The following RAB9A variants were observed in gnomAD, a reference collection of about 807,000 sequenced individuals.
RAB9A encodes RAB9A, member RAS oncogene family.
Under a neutral mutation model 10.3 loss-of-function variants are expected in RAB9A, and 1 was observed. The ratio of observed to expected loss-of-function variants is 0.10; its 90% CI spans 0.03 to 0.46. The LOEUF (loss-of-function observed/expected upper bound fraction) is 0.46, where lower values mean the gene tolerates loss of function less well. RAB9A is among the 20% of genes least tolerant of loss of function. The pLI is 0.96. For synonymous variants in RAB9A, 39 were observed against 55.2 expected (o/e 0.71, Z 1.30); for missense variants, 92 against 150.3 (o/e 0.61, Z 2.03).
chrX:13,709,272 G>A lies in RAB9A; in HGVS notation c.526G>A (p.Glu176Lys). 8.3e-7 allele frequency: 1 copy of A among 1,211,543 alleles called. No homozygotes were observed. Among genetic ancestry groups the A allele is most frequent in the Non-Finnish European group, 1.1e-6 (1 of 895,363 alleles). ...AGCGGTTCGAAGAGTTCTTGCTACC[G>A]AGGATAGGTCAGATCATTTGATTCA... ...EEAVRRVLATEDRSDHLIQTD... is the reference protein window; with the variant it reads ...EEAVRRVLATKDRSDHLIQTD... Residue 176 changes from glutamate to lysine, a missense_variant, in exon 3 of 3, where the codon GAG becomes AAG. By Grantham distance (56) the Glu-to-Lys change is moderately conservative (BLOSUM62 1). Coordinates refer to ENST00000464506, the MANE Select transcript of RAB9A (RefSeq NM_004251.5).
intron 1 of RAB9A, among the ~76,000 whole-genome samples, chrX:13,691,796 T>A (rs888477802): frequency 2.7e-5 from 3 of 110,596 alleles, no homozygotes; most frequent in Non-Finnish European, 3.8e-5. Context: ...AAAGTTTAGT[T>A]TCTGCATTAT....
At chrX:13,708,338 C>A (rs867083954) in intron 2 of RAB9A, among the ~76,000 whole-genome samples, 2 of 92,677 alleles carry the variant, frequency 2.2e-5, no homozygotes, top group South Asian at 5.3e-4. Context: ...AAAACAAAAC[C>A]AAAACAACAA....
At chrX:13,695,228 C>T (rs950651659) in intron 1 of RAB9A, among the ~76,000 whole-genome samples, 1 of 112,233 alleles carries the variant, frequency 8.9e-6, no homozygotes, top group Admixed American at 9.4e-5. Context: ...CTGTCACTCC[C>T]GGACCATTTG....
rs928786684 is a variant in RAB9A, at chrX:13,709,963, T to C, written c.*611T>C. 1.6e-5 allele frequency: 2 copies of C among 123,605 alleles called. No homozygotes were observed. Among genetic ancestry groups the C allele is most frequent in the Non-Finnish European group, 1.9e-5 (1 of 53,397 alleles). 10.2% of individuals were successfully genotyped at this position (123,605 alleles called of 1,213,427 possible). ...CATGCACCCCCACCCCCATAAATCA[T>C]GTTCCACAGTCTCAGGCGGAGGGTG... On this transcript the variant is annotated 3_prime_UTR_variant, in exon 3 of 3. Coordinates refer to ENST00000464506, the MANE Select transcript of RAB9A (RefSeq NM_004251.5).
chrX:13,694,148 C>T lies in RAB9A; in HGVS notation c.-116+4860C>T, dbSNP rs1414434393. 3.6e-5 allele frequency among the ~76,000 whole-genome samples: 4 copies of T among 110,836 alleles called. No individual in the cohort carries two copies. The East Asian group carries it at 1.1e-3, about 31-fold the overall frequency. ...AAAAGGTTAGTGCCCATAAGACTGT[C>T]TATGTTCTCAGAGTTAGAAAAACCT... On this transcript the variant is annotated intron_variant, in intron 1 of 2. Coordinates refer to ENST00000464506, the MANE Select transcript of RAB9A (RefSeq NM_004251.5).
chrX:13,695,492 T>C (rs776161734), intron 1 of RAB9A, among the ~76,000 whole-genome samples: 3 of 112,243 alleles, frequency 2.7e-5, no homozygotes, highest in East Asian at 2.8e-4. Context: ...CTAGTAGATA[T>C]TCAGTTAATA....
intron 2 of RAB9A, among the ~76,000 whole-genome samples, chrX:13,707,381 A>G (rs1475201331): frequency 1.8e-5 from 2 of 112,307 alleles, no homozygotes; most frequent in African/African-American, 3.2e-5. Context: ...AAGATTTGCC[A>G]TAAGTTGATA....
Position 13,701,179 on chromosome X carries a change from A to G in RAB9A, c.-115-2635A>G, listed in dbSNP as rs190943589. Among the ~76,000 whole-genome samples the G allele has an allele frequency of 7.2e-3, 777 of 108,183 alleles. 1 individual carries two copies. Among genetic ancestry groups the G allele is most frequent in the Non-Finnish European group, 0.012 (608 of 52,118 alleles). 93.9% of individuals were successfully genotyped at this position (108,183 alleles called of 115,157 possible). A position where few individuals can be genotyped will look rare whatever the true frequency, so the allele number is the denominator to read the frequency against. On this transcript the variant is annotated intron_variant, in intron 1 of 2. Transcript: ENST00000464506. Reference sequence around the variant, plus strand: ...CCAGAATATTTTTATTACCCCCCCAAAAAAACCCCATACCCATTAGCAGTC... The same window carrying G: ...CCAGAATATTTTTATTACCCCCCCAGAAAAACCCCATACCCATTAGCAGTC...
rs185491819 is a variant in RAB9A at position 13,701,707 on chromosome X, C to T, written c.-115-2107C>T. 2.4e-3 allele frequency among the ~76,000 whole-genome samples: 266 copies of T among 110,840 alleles called. 2 individuals carry two copies. The highest frequency in any genetic ancestry group is 9.0e-3 in the East Asian group (32 of 3,538). On this transcript the variant is annotated intron_variant, in intron 1 of 2. Transcript: ENST00000464506. ...CAGTTGGAGATGTCCAGTAGGTGTT[C>T]GGGAGGAGGTGAGGTCTAGCTGCAT... is the stretch of plus-strand genomic sequence containing the variant.
chrX:13,701,476 A>G (rs1245169209), intron 1 of RAB9A, among the ~76,000 whole-genome samples: 1 of 111,483 alleles, frequency 9.0e-6, no homozygotes, highest in Non-Finnish European at 1.9e-5. Context: ...TAGTATGGGT[A>G]TGCATTTTTT....
chrX:13,691,659 CAAAAAAAAAAAAAAAA>C (rs765886332), intron 1 of RAB9A, among the ~76,000 whole-genome samples: 8 of 15,933 alleles, frequency 5.0e-4, no homozygotes, highest in African/African-American at 1.4e-3. Context: ...GACTCCATCT[CAAAAAAAAAAAAAAAA>C]AAAAAAAAAA....
chrX:13,691,470 G>A (rs1232938196), intron 1 of RAB9A, among the ~76,000 whole-genome samples: 3 of 110,092 alleles, frequency 2.7e-5, no homozygotes, highest in Non-Finnish European at 5.7e-5. Flanking sequence ...AACCAGCCTG[G>A]CCAACATGGT....
At chrX:13,704,206 C>T (rs767965506) in intron 2 of RAB9A, among the ~76,000 whole-genome samples, 2 of 111,144 alleles carry the variant, frequency 1.8e-5, no homozygotes, top group Non-Finnish European at 3.8e-5. Flanking sequence ...TCTGAGCCAC[C>T]GAAAATTTGG....
intron 1 of RAB9A, among the ~76,000 whole-genome samples, chrX:13,691,721 T>C (rs985470110): frequency 9.2e-6 from 1 of 109,080 alleles, no homozygotes; most frequent in Non-Finnish European, 1.9e-5. Context: ...AATCTGTTTT[T>C]TGTTGTAAGG....
Position 13,709,070 on chromosome X carries a change from T to C in RAB9A, c.324T>C (p.Tyr108=). ...ACTGGAAGAAAGAATTCATATATTATGCAGATGTGAAAGAGCCTGAGAGCT... is the reference window on the plus strand; with the variant it reads ...ACTGGAAGAAAGAATTCATATATTACGCAGATGTGAAAGAGCCTGAGAGCT... ...LSNWKKEFIY[Y]ADVKEPESFP... is the part of the protein sequence containing the mutation. The change falls in exon 3 of 3, where the codon TAT becomes TAC. Residue 108 remains tyrosine (Y), a synonymous_variant. Coordinates refer to ENST00000464506, the MANE Select transcript of RAB9A (RefSeq NM_004251.5). 1 of 1,211,556 alleles carries C rather than the reference T, an allele frequency of 8.3e-7. No homozygotes were observed. The highest frequency in any genetic ancestry group is 1.1e-6 in the Non-Finnish European group (1 of 895,358).
At chrX:13,690,338 G>C (rs1245535119) in intron 1 of RAB9A, among the ~76,000 whole-genome samples, 1 of 112,175 alleles carries the variant, frequency 8.9e-6, no homozygotes, top group Non-Finnish European at 1.9e-5. Flanking sequence ...TAGTTATTTG[G>C]ATTCCTAAAT....
At chrX:13,697,256 G>A (rs1282502014) in intron 1 of RAB9A, among the ~76,000 whole-genome samples, 1 of 111,867 alleles carries the variant, frequency 8.9e-6, no homozygotes, top group Non-Finnish European at 1.9e-5. Flanking sequence ...ATAGCAGAAC[G>A]TTGCAGATCA....
intron 1 of RAB9A, among the ~76,000 whole-genome samples, chrX:13,695,484 A>G (rs890480461): frequency 3.4e-4 from 38 of 112,064 alleles, no homozygotes; most frequent in African/African-American, 1.2e-3. Context: ...CCAGGTACCT[A>G]GTAGATATTC....
intron 1 of RAB9A, among the ~76,000 whole-genome samples, chrX:13,693,500 C>T (rs1355208672): frequency 2.7e-5 from 3 of 111,658 alleles, no homozygotes; most frequent in African/African-American, 9.8e-5. Flanking sequence ...CGGTCCCAGG[C>T]CGTGTTGCCA....
Sources: gnomAD v4.1 joint callset for allele counts (sites outside exome capture counted in the v4.1 genomes callset) on GRCh38, gnomAD v4.1.1 for gene constraint, MANE v1.5 for transcripts, NCBI Gene and HGNC (gene_info 2026-07-23, HGNC 2026-07-21) for gene names.